COL26A1: variants seen among roughly 807,000 people sequenced by gnomAD.
COL26A1 encodes the protein collagen type XXVI alpha 1 chain, also known as collagen alpha-1(XXVI) chain.
COL26A1 carries 41 observed loss-of-function variants against 59.3 expected under a neutral mutation model. That is an observed-to-expected ratio of 0.69 (90% CI 0.54 to 0.90). The LOEUF is 0.90. COL26A1 is among the 40% of genes least tolerant of loss of function. COL26A1 has a pLI of 0.00. For synonymous variants in COL26A1, 266 were observed against 256.0 expected (o/e 1.04, Z -0.37); for missense variants, 612 against 602.3 (o/e 1.02, Z -0.17).
intron 12 of COL26A1, 138 bp from the exon 13 acceptor site, chr7:101,557,232 A>T: frequency 2.7e-6 from 2 of 746,476 alleles, no homozygotes. Context: ...TGAATGCATA[A>T]GGGGCTGAAA....
chr7:101,367,293 G>A (rs1791069513), intron 1 of COL26A1, among the ~76,000 whole-genome samples: 1 of 152,152 alleles, frequency 6.6e-6, no homozygotes, highest in Non-Finnish European at 1.5e-5. Flanking sequence ...GTATTTGGAG[G>A]GGGGACCTTT....
chr7:101,388,889 C>CCTA (rs1296873303), intron 1 of COL26A1: 1 of 172,432 alleles, frequency 5.8e-6, no homozygotes, highest in East Asian at 1.6e-4. Flanking sequence ...CAGCCTTGGA[C>CCTA]TTAGCGACTG....
At chr7:101,548,461 A>G (rs1795786708) in intron 8 of COL26A1, among the ~76,000 whole-genome samples, 1 of 152,122 alleles carries the variant, frequency 6.6e-6, no homozygotes, top group Non-Finnish European at 1.5e-5. Context: ...CTCAGTGGCC[A>G]TGGGCGGTGG....
In COL26A1 at chr7:101,555,847, C is replaced by A; in HGVS notation, c.1141C>A (p.Leu381Met). Residue 381 changes from leucine (L) to methionine (M), a missense_variant, in exon 12 of 13, where the codon CTG (leucine) becomes ATG (methionine). Physicochemically the swap from Leu to Met is conservative, Grantham distance 15. Transcript: ENST00000313669. ...GATCCTGGCAGAGCGAGTCCTCATCCTGGAGCACATGATTGGGATCCACGG... is the reference window on the plus strand; with the variant it reads ...GATCCTGGCAGAGCGAGTCCTCATCATGGAGCACATGATTGGGATCCACGG... Reference protein sequence around the residue: ...LKILAERVLILEHMIGIHDPL... With the variant: ...LKILAERVLIMEHMIGIHDPL... 1 of 1,611,384 alleles carries A rather than the reference C, an allele frequency of 6.2e-7. No individual in the cohort carries two copies. The highest frequency in any genetic ancestry group is 8.5e-7 in the Non-Finnish European group (1 of 1,179,084).
chr7:101,378,981 C>T (rs527265208), intron 1 of COL26A1, among the ~76,000 whole-genome samples: 1 of 152,260 alleles, frequency 6.6e-6, no homozygotes, highest in South Asian at 2.1e-4. Context: ...CTCACTTGGG[C>T]TTCCCCAGCC....
chr7:101,426,830 C>T (rs980737340), intron 2 of COL26A1, among the ~76,000 whole-genome samples: 4 of 152,252 alleles, frequency 2.6e-5, no homozygotes, highest in Non-Finnish European at 4.4e-5. Flanking sequence ...GCACGTCAGC[C>T]GAGGCAGCTC....
intron 1 of COL26A1, among the ~76,000 whole-genome samples, chr7:101,386,901 T>C (rs182288059): frequency 6.6e-6 from 1 of 152,270 alleles, no homozygotes; most frequent in Non-Finnish European, 1.5e-5. Flanking sequence ...CTGCTAGGCC[T>C]AGGTCCGGGA....
rs1194241675 is a variant in COL26A1, at chr7:101,507,071, C to T, written c.386-26011C>T. Among the ~76,000 whole-genome samples, 5 of 152,048 alleles carry T rather than the reference C, an allele frequency of 3.3e-5. No homozygotes were observed. The East Asian group carries it at 7.8e-4, about 24-fold the overall frequency. ...CTGGGACTACAGGTGTGTACCACCA[C>T]GCCTGGCTAATTTTCGTATTTTTAG... On this transcript the variant is annotated intron_variant, in intron 3 of 12. Transcript: ENST00000313669.
chr7:101,411,701 G>C (rs1562967021), intron 1 of COL26A1, among the ~76,000 whole-genome samples: 1 of 152,074 alleles, frequency 6.6e-6, no homozygotes, highest in Non-Finnish European at 1.5e-5. Flanking sequence ...GGGACATGAC[G>C]GTGTGTGACC....
upstream of COL26A1, chr7:101,362,856 G>GC (rs1193243960): frequency 1.3e-4 from 80 of 598,536 alleles, no homozygotes; most frequent in Non-Finnish European, 2.2e-4. Flanking sequence ...TGAAAAGGCG[G>GC]CCCCGGAGAG....
Position 101,362,886 on chromosome 7 carries a change from AT to A in COL26A1, c.-144del. ...GGAGAGGCGTGGGCGCCCCCCACAC[AT>A]TTCCAGCTCGCACCCGGGCTCCGAC... On this transcript the variant is annotated 5_prime_UTR_variant, in exon 1 of 13. Coordinates refer to ENST00000313669, the MANE Select transcript of COL26A1 (RefSeq NM_001278563.3). 5.1e-6 allele frequency: 4 copies of A among 783,220 alleles called. No homozygotes were observed. The highest frequency in any genetic ancestry group is 7.6e-6 in the Non-Finnish European group (4 of 526,784). 48.5% of individuals were successfully genotyped at this position (783,220 alleles called of 1,614,324 possible).
Position 101,374,661 on chromosome 7 carries a change from C to T in COL26A1, c.158+11471C>T, listed in dbSNP as rs6951550. Among the ~76,000 whole-genome samples the T allele has an allele frequency of 3.3e-3, 499 of 152,192 alleles. 2 individuals carry two copies. Among genetic ancestry groups the T allele is most frequent in the African/African-American group, 0.011 (464 of 41,522 alleles). Reference sequence around the variant, plus strand: ...GTCTCCCATCACCCCCAGATGGGACCGTCTAGTTGCAGGAAAACAAGCTCA... The same window carrying T: ...GTCTCCCATCACCCCCAGATGGGACTGTCTAGTTGCAGGAAAACAAGCTCA... On this transcript the variant is annotated intron_variant, in intron 1 of 12. Transcript: ENST00000313669.
intron 3 of COL26A1, among the ~76,000 whole-genome samples, chr7:101,494,018 A>G (rs1358970049): frequency 6.6e-6 from 1 of 152,158 alleles, no homozygotes; most frequent in East Asian, 1.9e-4. Context: ...GACAACTTTC[A>G]GAATGTTGGA....
intron 3 of COL26A1, among the ~76,000 whole-genome samples, chr7:101,520,633 T>TATACACACACAC (rs1452059213): frequency 0.011 from 1,519 of 137,282 alleles, 14 homozygotes; most frequent in Middle Eastern, 0.032. Flanking sequence ...CACAGACACA[T>TATACACACACAC]ACACACACAC....
chr7:101,515,056 A>G (rs776168642), intron 3 of COL26A1, among the ~76,000 whole-genome samples: 9 of 152,156 alleles, frequency 5.9e-5, no homozygotes, highest in Non-Finnish European at 7.4e-5. Flanking sequence ...CTGGGATAAG[A>G]CCAGTGTGGA....
chr7:101,502,539 A>G (rs190025111), intron 3 of COL26A1, among the ~76,000 whole-genome samples: 6 of 152,348 alleles, frequency 3.9e-5, no homozygotes, highest in African/African-American at 9.6e-5. Context: ...AACTCCTGCC[A>G]AGCTGGAGGC....
chr7:101,445,876 T>C (rs985530550), intron 2 of COL26A1, among the ~76,000 whole-genome samples: 6 of 150,522 alleles, frequency 4.0e-5, no homozygotes, highest in Non-Finnish European at 8.9e-5. Flanking sequence ...GGTGAAACCC[T>C]GTCTCTACTA....
chr7:101,410,600 G>A (rs1162428426), intron 1 of COL26A1, among the ~76,000 whole-genome samples: 2 of 152,078 alleles, frequency 1.3e-5, no homozygotes, highest in Non-Finnish European at 2.9e-5. Context: ...TTATGATTGA[G>A]TTCTCCCGGG....
At chr7:101,414,381 C>CCTCTCTCT (rs35093515) in intron 1 of COL26A1, among the ~76,000 whole-genome samples, 16 of 145,588 alleles carry the variant, frequency 1.1e-4, no homozygotes, top group South Asian at 2.3e-4. Context: ...AGGAAAGTCA[C>CCTCTCTCT]CTCTCTCTCT....
Sources: gnomAD v4.1 joint callset for allele counts (sites outside exome capture counted in the v4.1 genomes callset) on GRCh38, gnomAD v4.1.1 for gene constraint, MANE v1.5 for transcripts, NCBI Gene and HGNC (gene_info 2026-07-23, HGNC 2026-07-21) for gene names.